MBD5: variants seen among roughly 807,000 people sequenced by gnomAD.
MBD5 encodes methyl-CpG binding domain protein 5, also known as methyl-CpG-binding domain protein 5.
Under a neutral mutation model 117.3 loss-of-function variants are expected in MBD5, and 13 were observed. The observed-to-expected ratio is 0.11, with a 90% CI of 0.07 to 0.18. MBD5 has a LOEUF of 0.18. Among genes scored for constraint, MBD5 ranks in the 10% least tolerant of loss-of-function variants. MBD5 has a pLI of 1.00. For synonymous variants in MBD5, 727 were observed against 766.4 expected (o/e 0.95, Z 0.85); for missense variants, 1,879 against 2,093.8 (o/e 0.90, Z 2.00).
At chr2:148,176,546 T>C (rs1698394668) in intron 1 of MBD5, among the ~76,000 whole-genome samples, 1 of 151,770 alleles carries the variant, frequency 6.6e-6, no homozygotes, top group Non-Finnish European at 1.5e-5. Context: ...GTAGCTGGGA[T>C]TGTAGGCGCA....
At chr2:148,201,337 C>T (rs1436426841) in intron 2 of MBD5, among the ~76,000 whole-genome samples, 3 of 152,146 alleles carry the variant, frequency 2.0e-5, no homozygotes, top group African/African-American at 7.2e-5. Context: ...GGGCTCTGGT[C>T]TCCGGACGAG....
At chr2:148,276,672 A>AT (rs1701120859) in intron 3 of MBD5, among the ~76,000 whole-genome samples, 1 of 152,072 alleles carries the variant, frequency 6.6e-6, no homozygotes, top group Admixed American at 6.6e-5. Context: ...TTTTATAGCA[A>AT]TTTTTTCTCC....
At chr2:148,232,001 T>A (rs532141124) in intron 2 of MBD5, among the ~76,000 whole-genome samples, 8 of 152,282 alleles carry the variant, frequency 5.3e-5, no homozygotes, top group Admixed American at 5.2e-4. Context: ...GGAAGTGATA[T>A]TTGAGAAGAT....
chr2:148,453,865 A>G (rs1029820148), intron 4 of MBD5, among the ~76,000 whole-genome samples: 1 of 152,074 alleles, frequency 6.6e-6, no homozygotes, highest in Admixed American at 6.6e-5. Context: ...TCAAAAGTTT[A>G]AGAAACATGG....
intron 1 of MBD5, among the ~76,000 whole-genome samples, chr2:148,142,057 G>A (rs1298135721): frequency 1.3e-5 from 2 of 151,804 alleles, no homozygotes; most frequent in Admixed American, 6.6e-5. Context: ...AGAAAAATAG[G>A]ACAAAAAAAC....
chr2:148,347,106 C>T (rs1703141794), intron 4 of MBD5: 1 of 151,964 alleles, frequency 6.6e-6, no homozygotes, highest in African/African-American at 2.4e-5. Context: ...TTGCCTAACC[C>T]ATGTTTTACA....
In MBD5 at chr2:148,107,201, C is replaced by A. The variant is rs139886989; in HGVS notation, c.-924-71499C>A. ...AGAATTTTAGGCTGTGAATGAACTT[C>A]TTTTAGTGTGTTGAAGATATTATTT... On this transcript the variant is annotated intron_variant, in intron 1 of 13. Coordinates refer to ENST00000642680, the MANE Select transcript of MBD5 (RefSeq NM_001378120.1). Among the ~76,000 whole-genome samples, 339 of 152,132 alleles carry A rather than the reference C, an allele frequency of 2.2e-3. 8 individuals are homozygous for A. The East Asian group carries it at 0.055, about 25-fold the overall frequency.
At chr2:148,382,787 T>G (rs1425941848) in intron 4 of MBD5, among the ~76,000 whole-genome samples, 2 of 151,970 alleles carry the variant, frequency 1.3e-5, no homozygotes, top group Admixed American at 1.3e-4. Flanking sequence ...AACTAGAACT[T>G]GGGATTAAGA....
chr2:148,117,827 G>A (rs1344189910), intron 1 of MBD5, among the ~76,000 whole-genome samples: 1 of 152,204 alleles, frequency 6.6e-6, no homozygotes, highest in Non-Finnish European at 1.5e-5. Flanking sequence ...TTTTGCAAAT[G>A]TAGAAACTGA....
chr2:148,361,989 C>A (rs1467604684), intron 4 of MBD5, among the ~76,000 whole-genome samples: 1 of 152,230 alleles, frequency 6.6e-6, no homozygotes, highest in Non-Finnish European at 1.5e-5. Flanking sequence ...GTCTTTGCAA[C>A]TGCAGATCAG....
chr2:148,080,062 A>C (rs961180932), intron 1 of MBD5, among the ~76,000 whole-genome samples: 1 of 152,188 alleles, frequency 6.6e-6, no homozygotes, highest in Non-Finnish European at 1.5e-5. Context: ...AAACAAAACA[A>C]AATCGAAACA....
At chr2:148,344,434 C>T (rs919775899) in intron 4 of MBD5, among the ~76,000 whole-genome samples, 1 of 151,942 alleles carries the variant, frequency 6.6e-6, no homozygotes, top group African/African-American at 2.4e-5. Context: ...AATATCGATT[C>T]TTCCAATCCA....
At chr2:148,196,616 G>T (rs555830705) in intron 2 of MBD5, among the ~76,000 whole-genome samples, 1 of 152,188 alleles carries the variant, frequency 6.6e-6, no homozygotes, top group East Asian at 1.9e-4. Context: ...ATAACAGTAT[G>T]ACTTAGTATC....
chr2:148,177,085 T>C (rs1441505271), intron 1 of MBD5, among the ~76,000 whole-genome samples: 1 of 152,212 alleles, frequency 6.6e-6, no homozygotes, highest in African/African-American at 2.4e-5. Flanking sequence ...TATGTCTATA[T>C]TGATTTATTG....
chr2:148,101,394 T>C lies in MBD5; in HGVS notation c.-924-77306T>C, dbSNP rs373525657. Among the ~76,000 whole-genome samples the C allele has an allele frequency of 3.9e-5, 6 of 152,180 alleles. No individual in the cohort carries two copies. In the East Asian group the frequency reaches 7.7e-4, roughly 20 times the overall value. On this transcript the variant is annotated intron_variant, in intron 1 of 13. Transcript: ENST00000642680. ...GGAGGATTGCTTGAGCCCAGGAGTT[T>C]GAGGTTGCAGTGAGCTATGCTCACT...
intron 4 of MBD5, among the ~76,000 whole-genome samples, chr2:148,423,554 T>G (rs572037113): frequency 6.6e-6 from 1 of 152,100 alleles, no homozygotes; most frequent in Admixed American, 6.5e-5. Flanking sequence ...AAGGAAGCAC[T>G]AAACATAGAA....
intron 3 of MBD5, among the ~76,000 whole-genome samples, chr2:148,339,828 AT>A (rs1702892653): frequency 6.6e-6 from 1 of 152,274 alleles, no homozygotes; most frequent in Admixed American, 6.5e-5. Flanking sequence ...CTATATAAAC[AT>A]TACTAAAGCT....
intron 12 of MBD5, among the ~76,000 whole-genome samples, chr2:148,503,184 A>G (rs1483247460): frequency 3.3e-5 from 5 of 152,194 alleles, no homozygotes; most frequent in African/African-American, 4.8e-5. Context: ...GTGCTTCTCT[A>G]TATGTACATA....
intron 3 of MBD5, among the ~76,000 whole-genome samples, chr2:148,323,141 C>T (rs1702335373): frequency 1.3e-5 from 2 of 151,744 alleles, no homozygotes; most frequent in African/African-American, 2.4e-5. Context: ...TGATGATTTC[C>T]AATTTCATCC....
Sources: gnomAD v4.1 joint callset for allele counts (sites outside exome capture counted in the v4.1 genomes callset) on GRCh38, gnomAD v4.1.1 for gene constraint, MANE v1.5 for transcripts, NCBI Gene and HGNC (gene_info 2026-07-23, HGNC 2026-07-21) for gene names.